The following SORCS2 variants were observed in gnomAD, a reference collection of about 807,000 sequenced individuals.
SORCS2 encodes the protein sortilin related VPS10 domain containing receptor 2.
A neutral mutation model predicts 141.6 loss-of-function variants in SORCS2; 100 were observed. That is an observed-to-expected ratio of 0.71 (90% confidence interval 0.60 to 0.83). The LOEUF is 0.83. SORCS2 is among the 40% of genes least tolerant of loss of function. The pLI is 0.00. For synonymous variants in SORCS2, 789 were observed against 676.9 expected, an observed-to-expected ratio of 1.17 and a Z score of -2.57; for missense variants, 1,646 against 1,560.2, an observed-to-expected ratio of 1.05 and a Z score of -0.93.
chr4:7,402,700 G>A (rs949613804), intron 2 of SORCS2, among the ~76,000 whole-genome samples: 8 of 152,166 alleles, frequency 5.3e-5, no homozygotes, highest in African/African-American at 1.9e-4. Flanking sequence ...GCTTATCTGT[G>A]AGGTGACTCA....
intron 4 of SORCS2, 91 bp downstream of exon 4, chr4:7,638,583 C>G (rs956821996): frequency 7.3e-7 from 1 of 1,363,450 alleles, no homozygotes; most frequent in African/African-American, 1.5e-5. Context: ...GCAAGTGGGA[C>G]CCGGAACCCC....
intron 1 of SORCS2, among the ~76,000 whole-genome samples, chr4:7,194,057 C>T (rs1011057275): frequency 1.3e-5 from 2 of 152,162 alleles, no homozygotes; most frequent in African/African-American, 4.8e-5. Flanking sequence ...TCTGAAGTCA[C>T]CCTGGGGCAG....
intron 1 of SORCS2, among the ~76,000 whole-genome samples, chr4:7,270,072 G>C (rs1326155835): frequency 6.6e-6 from 1 of 152,212 alleles, no homozygotes; most frequent in Non-Finnish European, 1.5e-5. Context: ...GTAGGCACAG[G>C]GTTTTACTGT....
chr4:7,562,676 T>C (rs151023701), intron 3 of SORCS2, among the ~76,000 whole-genome samples: 3 of 152,300 alleles, frequency 2.0e-5, no homozygotes, highest in African/African-American at 7.2e-5. Context: ...AGAAACGTAT[T>C]CTCACACTGC....
At position 7,663,676 on chromosome 4, in the gene SORCS2, C is replaced by T. The variant is rs896960362; in HGVS notation, c.953-677C>T. Among the ~76,000 whole-genome samples, 3 of 152,160 alleles carry T rather than the reference C, an allele frequency of 2.0e-5. No individual in the cohort carries two copies. The highest frequency in any genetic ancestry group is 7.2e-5 in the African/African-American group (3 of 41,434). ...TTCTAAACGTCTTCCCTTAACCATT[C>T]TCCATGCTGCCGGGTCACCCAAGGC... On this transcript the variant is annotated intron_variant, in intron 6 of 26. Coordinates refer to ENST00000507866, the MANE Select transcript of SORCS2 (RefSeq NM_020777.3). This position sits in a 1 kb window ranked among gnomAD's most constrained non-coding sequence, Gnocchi z 4.8.
intron 17 of SORCS2, among the ~76,000 whole-genome samples, chr4:7,717,694 G>A (rs1726286152): frequency 6.6e-6 from 1 of 151,630 alleles, no homozygotes; most frequent in Non-Finnish European, 1.5e-5. Context: ...TGCTTAAACA[G>A]CCCCTCTGCA....
intron 1 of SORCS2, among the ~76,000 whole-genome samples, chr4:7,238,738 C>T (rs1712472988): frequency 6.6e-6 from 1 of 152,286 alleles, no homozygotes; most frequent in Non-Finnish European, 1.5e-5. Flanking sequence ...CTGTCACTAG[C>T]TTGGTGCTTC....
rs186647708 is a variant in SORCS2, at chr4:7,257,513, C to T, written c.480+64387C>T. On this transcript the variant is annotated intron_variant, in intron 1 of 26. Transcript: ENST00000507866. ...CCAGGCAGGGAGCCCGGCCAAGATTCGCACATTTTAATAATGCCCCTTCTC... is the reference window on the plus strand; with the variant it reads ...CCAGGCAGGGAGCCCGGCCAAGATTTGCACATTTTAATAATGCCCCTTCTC... Among the ~76,000 whole-genome samples, 179 of 152,198 alleles carry T rather than the reference C, an allele frequency of 1.2e-3. 2 individuals carry two copies. The highest frequency in any genetic ancestry group is 3.5e-3 in the African/African-American group (147 of 41,540).
rs145411105 is a variant in SORCS2, at chr4:7,601,191, C to T, written c.649-37137C>T. Among the ~76,000 whole-genome samples, 1,003 of 152,298 alleles carry T rather than the reference C, an allele frequency of 6.6e-3. 13 individuals carry two copies. Among genetic ancestry groups the T allele is most frequent in the African/African-American group, 0.023 (947 of 41,564 alleles). On this transcript the variant is annotated intron_variant, in intron 3 of 26. Coordinates refer to ENST00000507866, the MANE Select transcript of SORCS2 (RefSeq NM_020777.3). ...AGTGAATAAGTATCTTTATCTTCCTCTTAAATAATGCAAAGGCCTCCCTTA... is the reference window on the plus strand; with the variant it reads ...AGTGAATAAGTATCTTTATCTTCCTTTTAAATAATGCAAAGGCCTCCCTTA...
At chr4:7,307,862 G>A (rs1257992542) in intron 1 of SORCS2, among the ~76,000 whole-genome samples, 1 of 151,784 alleles carries the variant, frequency 6.6e-6, no homozygotes, top group Non-Finnish European at 1.5e-5. Flanking sequence ...CTTGGTGTGT[G>A]TATGAGTGAG....
chr4:7,489,314 C>A (rs759882067), intron 2 of SORCS2, among the ~76,000 whole-genome samples: 1 of 152,180 alleles, frequency 6.6e-6, no homozygotes, highest in Non-Finnish European at 1.5e-5. Flanking sequence ...TTCCAAGCAC[C>A]CTAAACCCAC....
intron 4 of SORCS2, among the ~76,000 whole-genome samples, chr4:7,651,428 C>T (rs139410640): frequency 6.6e-6 from 1 of 152,304 alleles, no homozygotes; most frequent in Non-Finnish European, 1.5e-5. Flanking sequence ...CCTGGCCACT[C>T]TGGAGAGAGA....
intron 2 of SORCS2, among the ~76,000 whole-genome samples, chr4:7,459,838 C>T (rs571714343): frequency 6.6e-6 from 1 of 152,308 alleles, no homozygotes; most frequent in South Asian, 2.1e-4. Flanking sequence ...AGGGCATTAG[C>T]CAGGGCCATC....
chr4:7,654,179 G>A lies in SORCS2; in HGVS notation c.859G>A (p.Glu287Lys), dbSNP rs1260562315. 1 of 1,583,186 alleles carries A rather than the reference G, an allele frequency of 6.3e-7. No individual in the cohort carries two copies. Among genetic ancestry groups the A allele is most frequent in the African/African-American group, 1.3e-5 (1 of 74,652 alleles). ...DLGKKWTLLQ[E>K]RVTKDHVFWS... ...GGGGAAAAAGTGGACACTTCTGCAA[G>A]AGCGAGTGACCAAAGACCACGTGTT... Residue 287 changes from glutamate to lysine, a missense_variant, in exon 5 of 27, where the codon GAG becomes AAG. Coordinates refer to ENST00000507866, the MANE Select transcript of SORCS2 (RefSeq NM_020777.3).
chr4:7,589,765 A>G (rs139172133), intron 3 of SORCS2, among the ~76,000 whole-genome samples: 1 of 152,306 alleles, frequency 6.6e-6, no homozygotes, highest in Non-Finnish European at 1.5e-5. Context: ...GGTAGGAACT[A>G]TTTTTATCCC....
At chr4:7,629,277 T>G (rs1239293874) in intron 3 of SORCS2, among the ~76,000 whole-genome samples, 1 of 152,096 alleles carries the variant, frequency 6.6e-6, no homozygotes, top group Non-Finnish European at 1.5e-5. Context: ...TAAAAATAAA[T>G]TTTTAAAAAG....
chr4:7,325,766 C>T (rs112698681), intron 1 of SORCS2, among the ~76,000 whole-genome samples: 2 of 152,164 alleles, frequency 1.3e-5, no homozygotes, highest in East Asian at 3.9e-4. Flanking sequence ...TGGGACCTTC[C>T]CTCCCCCCAC....
intron 4 of SORCS2, among the ~76,000 whole-genome samples, chr4:7,643,304 G>A (rs1266184897): frequency 1.3e-5 from 2 of 152,134 alleles, no homozygotes; most frequent in Admixed American, 6.5e-5. Flanking sequence ...CCCTTCCCAC[G>A]CCAGCTTCCT....
At chr4:7,433,473 G>A in intron 2 of SORCS2, 1 of 1,573,858 alleles carries the variant, frequency 6.4e-7, no homozygotes, top group Non-Finnish European at 8.6e-7. Context: ...TGGGGCCGTG[G>A]CAGGCCCCCA....
Sources: gnomAD v4.1 joint callset for allele counts (sites outside exome capture counted in the v4.1 genomes callset) on GRCh38, gnomAD v4.1.1 for gene constraint, Gnocchi (gnomAD v3.1) non-coding constraint, MANE v1.5 for transcripts, NCBI Gene and HGNC (gene_info 2026-07-23, HGNC 2026-07-21) for gene names.